Variants in BICRA observed in about 807,000 individuals in gnomAD.
The protein encoded by BICRA is BRD4-interacting chromatin-remodeling complex-associated protein.
A neutral mutation model predicts 96.9 loss-of-function variants in BICRA; 31 were observed. The ratio of observed to expected loss-of-function variants is 0.32; its 90% CI spans 0.24 to 0.43. The LOEUF (loss-of-function observed/expected upper bound fraction) is 0.43, where lower values mean the gene tolerates loss of function less well. BICRA is among the 20% of genes least tolerant of loss of function. The pLI is 1.00. For synonymous variants in BICRA, 1,350 were observed against 1,071.8 expected, an observed-to-expected ratio of 1.26 and a Z score of -5.07; for missense variants, 2,283 against 2,190.3, an observed-to-expected ratio of 1.04 and a Z score of -0.84.
intron 1 of BICRA, among the ~76,000 whole-genome samples, chr19:47,654,582 C>A (rs375548343): frequency 6.6e-6 from 1 of 151,900 alleles, no homozygotes; most frequent in African/African-American, 2.4e-5. Context: ...CCTGGTTTCA[C>A]GCCATTCTCC....
chr19:47,643,405 C>T (rs754558566), intron 1 of BICRA, among the ~76,000 whole-genome samples: 2 of 152,244 alleles, frequency 1.3e-5, no homozygotes, highest in Non-Finnish European at 2.9e-5. Flanking sequence ...GAATGTGGCT[C>T]TTTCTGCATC....
At chr19:47,662,969 A>T (rs911511317) in intron 1 of BICRA, 1 of 152,240 alleles carries the variant, frequency 6.6e-6, no homozygotes, top group African/African-American at 2.4e-5. Context: ...GGTTGCAAAG[A>T]AAATCCAGAA....
At chr19:47,689,076 C>G (rs1973201974) in intron 7 of BICRA, among the ~76,000 whole-genome samples, 1 of 151,942 alleles carries the variant, frequency 6.6e-6, no homozygotes, top group African/African-American at 2.4e-5. Flanking sequence ...ATCCACCCGC[C>G]TTGGCATCCC....
chr19:47,697,364 GC>G (rs1973362919), intron 11 of BICRA, among the ~76,000 whole-genome samples: 1 of 150,196 alleles, frequency 6.7e-6, no homozygotes, highest in Admixed American at 6.6e-5. Flanking sequence ...TTGCACTTCA[GC>G]CCAGGCGACA....
chr19:47,679,817 G>A lies in BICRA; in HGVS notation c.647G>A (p.Gly216Asp). ...VTLQPIPGLQ[G>D]LPNGSPGGAT... is the part of the protein sequence containing the mutation. ...CTGCAGCCCATCCCGGGCCTCCAAG[G>A]CCTGCCCAATGGCAGCCCTGGGGGT... is the stretch of plus-strand genomic sequence containing the variant. The change falls in exon 6 of 15, where the codon GGC (glycine) becomes GAC (aspartate). Residue 216 changes from glycine to aspartate, a missense_variant. Transcript: ENST00000594866. 2 of 1,486,996 alleles carry A rather than the reference G, an allele frequency of 1.3e-6. No homozygotes were observed. The highest frequency in any genetic ancestry group is 1.8e-6 in the Non-Finnish European group (2 of 1,121,682). 92.1% of individuals were successfully genotyped at this position (1,486,996 alleles called of 1,614,324 possible). A position where few individuals can be genotyped will look rare whatever the true frequency, so the allele number is the denominator to read the frequency against.
At chr19:47,620,350 G>A (rs1972046415) in intron 1 of BICRA, among the ~76,000 whole-genome samples, 1 of 151,952 alleles carries the variant, frequency 6.6e-6, no homozygotes, top group African/African-American at 2.4e-5. Context: ...CCTGTCTTTG[G>A]AGTTCCTGTG....
chr19:47,691,668 A>G (rs1973242887), intron 7 of BICRA, among the ~76,000 whole-genome samples: 2 of 152,130 alleles, frequency 1.3e-5, no homozygotes, highest in South Asian at 4.2e-4. Flanking sequence ...GGTTCAAGCA[A>G]TTCTCTTGCC....
At chr19:47,657,370 G>A (rs956048402) in intron 1 of BICRA, among the ~76,000 whole-genome samples, 1 of 151,986 alleles carries the variant, frequency 6.6e-6, no homozygotes, top group Non-Finnish European at 1.5e-5. Flanking sequence ...TTTACAGTTA[G>A]GGGCTTTTAT....
At chr19:47,617,984 G>C (rs1184204744) in intron 1 of BICRA, among the ~76,000 whole-genome samples, 1 of 152,196 alleles carries the variant, frequency 6.6e-6, no homozygotes, top group African/African-American at 2.4e-5. Context: ...CATTTCATAG[G>C]TTGGGAAACT....
rs1007297289 is a variant in BICRA, at chr19:47,698,854, G to A, written c.3397+72G>A. 12 of 1,416,018 alleles carry A rather than the reference G, an allele frequency of 8.5e-6. No individual in the cohort carries two copies. In the Admixed American group the frequency reaches 1.7e-4, roughly 21 times the overall value. 87.7% of individuals were successfully genotyped at this position (1,416,018 alleles called of 1,614,324 possible). A position where few individuals can be genotyped will look rare whatever the true frequency, so the allele number is the denominator to read the frequency against. ...GCCCGTGGGGCGGGGCGTCGCCAGT[G>A]TGGAGCCGCAGGTCCACGGTGCGCT... is the stretch of plus-strand genomic sequence containing the variant. On this transcript the variant is annotated intron_variant, in intron 12 of 14. Transcript: ENST00000594866. This position sits in a 1 kb window ranked among gnomAD's most constrained non-coding sequence, Gnocchi z 4.8.
chr19:47,686,678 C>T (rs573502625), intron 7 of BICRA, among the ~76,000 whole-genome samples: 3 of 152,168 alleles, frequency 2.0e-5, no homozygotes, highest in Admixed American at 1.3e-4. Flanking sequence ...GCCACTGCGC[C>T]CAGCCTCTAC....
intron 1 of BICRA, among the ~76,000 whole-genome samples, chr19:47,665,393 G>A (rs1109049): frequency 0.38 from 57,436 of 152,092 alleles, 11,013 homozygotes; most frequent in Middle Eastern, 0.41. Context: ...TTCCTGTCCT[G>A]GGGGACATTT....
chr19:47,615,781 GACCC>G (rs1438551589), intron 1 of BICRA: 15 of 152,270 alleles, frequency 9.9e-5, no homozygotes, highest in Non-Finnish European at 1.8e-4. Flanking sequence ...ATTGCAGTGT[GACCC>G]TGGGCAAGCA....
chr19:47,701,813 G>A lies in BICRA; in HGVS notation c.4081G>A (p.Gly1361Ser). 1 of 1,534,216 alleles carries A rather than the reference G, an allele frequency of 6.5e-7. No homozygotes were observed. The highest frequency in any genetic ancestry group is 8.7e-7 in the Non-Finnish European group (1 of 1,143,540). ...PPPPPTGQMN[G>S]TVDHPPPAAP... The stretch of plus-strand genomic sequence containing the variant: ...ACCGCCGCCCACGGGCCAGATGAAC[G>A]GCACGGTGGACCACCCGCCGCCTGC... The change falls in exon 15 of 15, where the codon GGC (glycine) becomes AGC (serine). Residue 1361 changes from glycine to serine, a missense_variant. Physicochemically the swap from Gly to Ser is moderately conservative, Grantham distance 56. Transcript: ENST00000594866. The surrounding 1 kb of genome is among the most constrained non-coding windows in gnomAD (Gnocchi z 5.4).
At position 47,685,786 on chromosome 19, in the gene BICRA, TGCGC is replaced by T. The variant is rs67811590; in HGVS notation, c.2283+3645_2283+3648del. Among the ~76,000 whole-genome samples the T allele has an allele frequency of 9.4e-3, 1,103 of 117,878 alleles. 15 individuals carry two copies. Among genetic ancestry groups the T allele is most frequent in the Admixed American group, 0.028 (323 of 11,520 alleles). 77.3% of individuals were successfully genotyped at this position (117,878 alleles called of 152,430 possible). A position where few individuals can be genotyped will look rare whatever the true frequency, so the allele number is the denominator to read the frequency against. On this transcript the variant is annotated intron_variant, in intron 7 of 14. Transcript: ENST00000594866. The stretch of plus-strand genomic sequence containing the variant: ...GTGTGTGTGTGTGTGTGTGTGTGTG[TGCGC>T]GCGCGCGCGCATGCGTACATTTTCC...
intron 7 of BICRA, among the ~76,000 whole-genome samples, chr19:47,685,786 T>TGCGCGCGTGCGCGCGCGC (rs1555790135): frequency 1.7e-5 from 2 of 117,930 alleles, no homozygotes; most frequent in Admixed American, 1.7e-4. Flanking sequence ...TGTGTGTGTG[T>TGCGCGCGTGCGCGCGCGC]GCGCGCGCGC....
At chr19:47,679,141 T>A in intron 5 of BICRA, 180 bp from the exon 6 acceptor site, 3 of 435,952 alleles carry the variant, frequency 6.9e-6, no homozygotes, top group Non-Finnish European at 4.0e-6. Context: ...AAGCCATCCA[T>A]CCTCCTACCT....
Position 47,646,337 on chromosome 19 carries a change from G to A in BICRA, c.-107-24106G>A, listed in dbSNP as rs541509030. On this transcript the variant is annotated intron_variant, in intron 1 of 14. Transcript: ENST00000594866. ...GGAAACTTCCCTATGTCTCCAGAGC[G>A]CCTGCAAAAATCTCCAGAAATCGCC... 8.5e-5 allele frequency among the ~76,000 whole-genome samples: 13 copies of A among 152,284 alleles called. No homozygotes were observed. In the South Asian group the frequency reaches 1.7e-3, roughly 19 times the overall value.
rs375502112 is a variant in BICRA, at chr19:47,611,446, C to T, written c.-108+2278C>T. Reference sequence around the variant, plus strand: ...CCCCAGGCCTGGCCAGTGATGGGCTCGGGGTACCTGGGAGCTGGCCCCACT... The same window carrying T: ...CCCCAGGCCTGGCCAGTGATGGGCTTGGGGTACCTGGGAGCTGGCCCCACT... On this transcript the variant is annotated intron_variant, in intron 1 of 14. Transcript: ENST00000594866. 5.0e-4 allele frequency among the ~76,000 whole-genome samples: 76 copies of T among 152,190 alleles called. 1 individual carries two copies. The highest frequency in any genetic ancestry group is 1.9e-3 in the South Asian group (9 of 4,826).
Sources: allele counts gnomAD v4.1 joint callset (sites outside exome capture counted in the v4.1 genomes callset), GRCh38; gene constraint gnomAD v4.1.1; non-coding constraint Gnocchi (gnomAD v3.1); transcripts MANE v1.5; gene names NCBI Gene and HGNC (gene_info 2026-07-23, HGNC 2026-07-21).